The following TICRR variants were observed in gnomAD, a reference collection of about 807,000 sequenced individuals.
TICRR encodes TOPBP1 interacting checkpoint and replication regulator, also known as treslin.
Under a neutral mutation model 178.1 loss-of-function variants are expected in TICRR, and 132 were observed. That is an observed-to-expected ratio of 0.74 (90% CI 0.64 to 0.86). TICRR has a LOEUF of 0.86. Among genes scored for constraint, TICRR ranks in the 40% least tolerant of loss-of-function variants. TICRR has a pLI of 0.00. For missense variants in TICRR, 2,587 were observed against 2,334.3 expected (o/e 1.11, Z -2.23); for synonymous variants, 991 against 900.7 (o/e 1.10, Z -1.79).
intron 17 of TICRR, 42 bp downstream of exon 17, chr15:89,618,252 C>T: frequency 6.3e-7 from 1 of 1,576,848 alleles, no homozygotes; most frequent in Non-Finnish European, 8.7e-7. Context: ...ATCTACCCAG[C>T]TTCTATGAAA....
In TICRR at chr15:89,623,986, C is replaced by T; in HGVS notation, c.3676C>T (p.Pro1226Ser). Residue 1226 changes from proline to serine, a missense_variant, in exon 20 of 22, where the codon CCA (proline) becomes TCA (serine). Transcript: ENST00000268138. ...VNSSPESPSC[P>S]APPTSSTAQP... is the part of the protein sequence containing the mutation. ...TTCCAGTCCAGAAAGCCCCTCCTGT[C>T]CAGCCCCTCCAACTTCATCGACTGC... 1 of 1,613,974 alleles carries T rather than the reference C, an allele frequency of 6.2e-7. No individual in the cohort carries two copies. Among genetic ancestry groups the T allele is most frequent in the Non-Finnish European group, 8.5e-7 (1 of 1,180,004 alleles).
chr15:89,592,236 A>AT lies in TICRR; in HGVS notation c.1541+67dup, dbSNP rs1400905749. On this transcript the variant is annotated intron_variant, in intron 5 of 21. Coordinates refer to ENST00000268138, the MANE Select transcript of TICRR (RefSeq NM_152259.4). ...TTAAAATCAACGTTCAGTTATCTGC[A>AT]TTTTTTTCTTAACAGACCACATTCT... 8.6e-6 allele frequency: 13 copies of AT among 1,506,912 alleles called. No homozygotes were observed. The African/African-American group carries it at 1.7e-4, about 19-fold the overall frequency. 93.3% of individuals were successfully genotyped at this position (1,506,912 alleles called of 1,614,324 possible).
At chr15:89,586,035 C>G in intron 4 of TICRR, 93 bp downstream of exon 4, 1 of 832,484 alleles carries the variant, frequency 1.2e-6, no homozygotes, top group South Asian at 1.5e-5. Flanking sequence ...AGTAGAACCC[C>G]AATATGTTAT....
chr15:89,617,466 T>C (rs139069160), intron 16 of TICRR, among the ~76,000 whole-genome samples: 145 of 152,292 alleles, frequency 9.5e-4, no homozygotes, highest in Middle Eastern at 3.4e-3. Flanking sequence ...GGTTTATAAT[T>C]CTGATGTTGT....
intron 4 of TICRR, among the ~76,000 whole-genome samples, chr15:89,591,206 A>G (rs1256940682): frequency 3.3e-5 from 5 of 152,064 alleles, no homozygotes; most frequent in Non-Finnish European, 5.9e-5. Context: ...GCTCACTGCA[A>G]CCTCAGCCTC....
intron 21 of TICRR, among the ~76,000 whole-genome samples, 180 bp from the exon 22 acceptor site, chr15:89,626,776 G>A (rs759256843): frequency 6.6e-6 from 1 of 152,210 alleles, no homozygotes; most frequent in Non-Finnish European, 1.5e-5. Context: ...GTGCATAGCT[G>A]TTAAGGGCAG....
rs373569130 is a variant in TICRR, at chr15:89,582,769, A to G, written c.738A>G (p.Glu246=). 12 of 1,614,172 alleles carry G rather than the reference A, an allele frequency of 7.4e-6. No homozygotes were observed. Among genetic ancestry groups the G allele is most frequent in the Admixed American group, 3.3e-5 (2 of 60,024 alleles). The change falls in exon 2 of 22, where the codon GAA becomes GAG. Residue 246 remains glutamate, a synonymous_variant. Coordinates refer to ENST00000268138, the MANE Select transcript of TICRR (RefSeq NM_152259.4). ...HHGGGTVLPS[E]SFSWDFAQAG... ...GAGGTGGCACTGTCTTGCCATCTGA[A>G]TCTTTCAGCTGGGATTTTGCTCAAG...
rs1962614162 is a variant in TICRR, at chr15:89,576,328, A to T, written c.654+88A>T. ...GGCAGCGTCCTTAGAACAGCCACAG[A>T]CCCCGAATGAGACTAATATGACTAT... is the stretch of plus-strand genomic sequence containing the variant. On this transcript the variant is annotated intron_variant, in intron 1 of 21. Transcript: ENST00000268138. 4 of 1,238,244 alleles carry T rather than the reference A, an allele frequency of 3.2e-6. No homozygotes were observed. In the Admixed American group the frequency reaches 1.2e-4, roughly 36 times the overall value. The allele number at this position is 1,238,244 out of a possible 1,614,324, so 76.7% of individuals were successfully genotyped here. A position where few individuals can be genotyped will look rare whatever the true frequency, so the allele number is the denominator to read the frequency against.
intron 16 of TICRR, among the ~76,000 whole-genome samples, 181 bp downstream of exon 16, chr15:89,616,676 T>G (rs761202763): frequency 6.6e-6 from 1 of 152,268 alleles, no homozygotes; most frequent in African/African-American, 2.4e-5. Flanking sequence ...TATACACTTG[T>G]CTGGCCTCAA....
Position 89,625,083 on chromosome 15 carries a change from G to T in TICRR, c.4773G>T (p.Lys1591Asn). ...CATTAGAGGCTGAGCCCCTCAGCAAGGAGGAGAGCTCTCTGGGAGAAGAGA... is the reference window on the plus strand; with the variant it reads ...CATTAGAGGCTGAGCCCCTCAGCAATGAGGAGAGCTCTCTGGGAGAAGAGA... ...SSSLEAEPLSKEESSLGEESF... is the reference protein window; with the variant it reads ...SSSLEAEPLSNEESSLGEESF... Residue 1591 changes from lysine (K) to asparagine (N), a missense_variant, in exon 20 of 22, where the codon AAG (lysine) becomes AAT (asparagine). Coordinates refer to ENST00000268138, the MANE Select transcript of TICRR (RefSeq NM_152259.4). 1 of 1,613,934 alleles carries T rather than the reference G, an allele frequency of 6.2e-7. No homozygotes were observed. Among genetic ancestry groups the T allele is most frequent in the South Asian group, 1.1e-5 (1 of 91,080 alleles).
In TICRR at chr15:89,624,134, C is replaced by T. The variant is rs1490286223; in HGVS notation, c.3824C>T (p.Ala1275Val). 6.2e-7 allele frequency: 1 copy of T among 1,613,994 alleles called. No individual in the cohort carries two copies. The highest frequency in any genetic ancestry group is 1.7e-5 in the Admixed American group (1 of 60,002). The change falls in exon 20 of 22, where the codon GCT (alanine) becomes GTT (valine). Residue 1275 changes from alanine to valine, a missense_variant. Transcript: ENST00000268138. ...CAACAGCCCCATGTCCTCAGAGCTG[C>T]TCGGGCAGAGGAACCAGCCCAGAAA... ...THQQPHVLRA[A>V]RAEEPAQKLK...
chr15:89,596,192 A>T (rs1167347491), intron 7 of TICRR, among the ~76,000 whole-genome samples: 2 of 152,238 alleles, frequency 1.3e-5, no homozygotes, highest in African/African-American at 4.8e-5. Context: ...TCAATAAATG[A>T]TGCTGGAACA....
At chr15:89,618,074 G>C (rs1963364170) in intron 16 of TICRR, 78 bp from the exon 17 acceptor site, 1 of 1,411,472 alleles carries the variant, frequency 7.1e-7, no homozygotes. Context: ...ATCTTGTTAA[G>C]TGAGAAGCTG....
chr15:89,584,233 C>G, intron 2 of TICRR, 53 bp from the exon 3 acceptor site: 9 of 1,490,606 alleles, frequency 6.0e-6, no homozygotes, highest in Non-Finnish European at 8.1e-6. Flanking sequence ...GAATTTTAAT[C>G]TTTTTTTAAA....
chr15:89,575,693 G>T lies in TICRR; in HGVS notation c.107G>T (p.Cys36Phe). The part of the protein sequence containing the change: ...AALRLLTYLS[C>F]RFGLARVHWA... ...CTGCGCCTCCTCACCTATCTGAGTT[G>T]CCGATTCGGCCTGGCCAGGGTCCAC... Residue 36 changes from cysteine to phenylalanine, a missense_variant, in exon 1 of 22, where the codon TGC becomes TTC. Physicochemically the swap from Cys to Phe is radical, Grantham distance 205. Coordinates refer to ENST00000268138, the MANE Select transcript of TICRR (RefSeq NM_152259.4). 6.2e-7 allele frequency: 1 copy of T among 1,605,078 alleles called. No homozygotes were observed.
Position 89,599,396 on chromosome 15 carries a change from T to C in TICRR, c.1973T>C (p.Ile658Thr), listed in dbSNP as rs1198095875. The C allele has an allele frequency of 6.2e-7, 1 of 1,613,810 alleles. No homozygotes were observed. Among genetic ancestry groups the C allele is most frequent in the South Asian group, 1.1e-5 (1 of 91,028 alleles). The change falls in exon 8 of 22, where the codon ATC becomes ACC. Residue 658 changes from isoleucine (I) to threonine (T), a missense_variant. Physicochemically the swap from Ile to Thr is moderately conservative, Grantham distance 89. Coordinates refer to ENST00000268138, the MANE Select transcript of TICRR (RefSeq NM_152259.4). ...CAAAAGACTGTGGCCACAGGAGAAA[T>C]CATGTTGTATGCATGTGCTCGAAAC... ...NYQKTVATGE[I>T]MLYACARNMI...
chr15:89,622,307 AC>A (rs1203622181), intron 19 of TICRR, among the ~76,000 whole-genome samples: 3 of 151,008 alleles, frequency 2.0e-5, no homozygotes, highest in Non-Finnish European at 2.9e-5. Flanking sequence ...TCTTGTACCC[AC>A]CCCCTCTTCT....
In TICRR at chr15:89,624,232, C is replaced by T. The variant is rs1386888115; in HGVS notation, c.3922C>T (p.Pro1308Ser). The change falls in exon 20 of 22, where the codon CCA becomes TCA. Residue 1308 changes from proline to serine, a missense_variant. Pro to Ser is a moderately conservative substitution (Grantham distance 74). Coordinates refer to ENST00000268138, the MANE Select transcript of TICRR (RefSeq NM_152259.4). ...TGTGACTTCTTCCCCACCTGTTACG[C>T]CAAAGAAACTGTTTACCTCTCCTTT... is the stretch of plus-strand genomic sequence containing the variant. ...STVTSSPPVT[P>S]KKLFTSPLCD... 1.2e-6 allele frequency: 2 copies of T among 1,614,158 alleles called. No homozygotes were observed. Among genetic ancestry groups the T allele is most frequent in the Admixed American group, 1.7e-5 (1 of 60,028 alleles).
intron 18 of TICRR, among the ~76,000 whole-genome samples, chr15:89,620,897 G>GTATT (rs1239200001): frequency 6.6e-6 from 1 of 150,462 alleles, no homozygotes; most frequent in Non-Finnish European, 1.5e-5. Context: ...TAAATTTTTT[G>GTATT]TATTTTTAGT....
Sources: gnomAD v4.1 joint callset for allele counts (sites outside exome capture counted in the v4.1 genomes callset) on GRCh38, gnomAD v4.1.1 for gene constraint, MANE v1.5 for transcripts, NCBI Gene and HGNC (gene_info 2026-07-23, HGNC 2026-07-21) for gene names.